The following TERB1 variants were observed in gnomAD, a reference collection of about 807,000 sequenced individuals.
TERB1 encodes telomere repeat binding bouquet formation protein 1, also known as telomere repeats-binding bouquet formation protein 1.
Under a neutral mutation model 92.3 loss-of-function variants are expected in TERB1, and 63 were observed. The observed-to-expected ratio is 0.68, with a 90% CI of 0.56 to 0.84. TERB1 has a LOEUF of 0.84. TERB1 is among the 40% of genes least tolerant of loss of function. TERB1 has a pLI of 0.00. For synonymous variants in TERB1, 252 were observed against 283.9 expected (o/e 0.89, Z 1.13); for missense variants, 709 against 843.7 (o/e 0.84, Z 1.98).
At chr16:66,781,761 C>T (rs556525182) in intron 9 of TERB1, among the ~76,000 whole-genome samples, 74 of 152,280 alleles carry the variant, frequency 4.9e-4, no homozygotes, top group African/African-American at 1.7e-3. Flanking sequence ...ACCTCGTGAT[C>T]CGCCTGTCTC....
intron 2 of TERB1, among the ~76,000 whole-genome samples, chr16:66,799,097 CTT>C (rs532737668): frequency 1.9e-4 from 29 of 152,248 alleles, no homozygotes; most frequent in African/African-American, 6.3e-4. Context: ...AAGATGAACT[CTT>C]TAGAAAATGG....
rs2145290930 is a variant in TERB1 at position 66,801,483 on chromosome 16, G to C, written c.-125C>G. On this transcript the variant is annotated 5_prime_UTR_variant, in exon 1 of 19. Coordinates refer to ENST00000433154, the MANE Select transcript of TERB1 (RefSeq NM_001136505.2). ...GCCAACATACAGAGTTTCCAAGCGC[G>C]GTAAGGCAGGACAACAACGCGCGGG... 1 of 152,406 alleles carries C rather than the reference G, an allele frequency of 6.6e-6. No homozygotes were observed. The highest frequency in any genetic ancestry group is 2.1e-4 in the South Asian group (1 of 4,834). The allele number at this position is 152,406 out of a possible 1,614,324, so 9.4% of individuals were successfully genotyped here.
intron 14 of TERB1, among the ~76,000 whole-genome samples, chr16:66,768,966 G>A (rs775631896): frequency 1.2e-4 from 18 of 151,934 alleles, no homozygotes; most frequent in Non-Finnish European, 2.5e-4. Flanking sequence ...TTAGCCGGGC[G>A]TGGTGGCACA....
At position 66,777,315 on chromosome 16, in the gene TERB1, G is replaced by A; in HGVS notation, c.873C>T (p.Leu291=). 6.5e-7 allele frequency: 1 copy of A among 1,545,484 alleles called. No homozygotes were observed. Among genetic ancestry groups the A allele is most frequent in the South Asian group, 1.2e-5 (1 of 83,854 alleles). Residue 291 remains leucine (L), a synonymous_variant, in exon 11 of 19, where the codon CTC becomes CTT. Coordinates refer to ENST00000433154, the MANE Select transcript of TERB1 (RefSeq NM_001136505.2). ...IADNPTFGIV[L]SKYHIVSKLL... is the part of the protein sequence containing the mutation. ...GTTTAGAAACAATGTGGTACTTGGA[G>A]AGTACTATCCCAAAAGTAGCTATTA...
intron 10 of TERB1, among the ~76,000 whole-genome samples, chr16:66,778,031 C>G (rs1037075495): frequency 3.3e-5 from 5 of 152,198 alleles, no homozygotes; most frequent in Non-Finnish European, 7.3e-5. Context: ...AAAAAACCAT[C>G]TATTTTTTGC....
chr16:66,794,583 T>C (rs902643864), intron 3 of TERB1, among the ~76,000 whole-genome samples: 4 of 151,852 alleles, frequency 2.6e-5, no homozygotes, highest in African/African-American at 9.7e-5. Context: ...ACCTCCTGAA[T>C]AAAATAAACC....
At chr16:66,801,316 G>A (rs949613857) in intron 1 of TERB1, among the ~76,000 whole-genome samples, 152 bp downstream of exon 1, 3 of 152,236 alleles carry the variant, frequency 2.0e-5, no homozygotes, top group East Asian at 3.9e-4. Context: ...GTCTCTTCCC[G>A]CCAAGGGCTG....
chr16:66,754,876 C>T lies in TERB1; in HGVS notation c.*100G>A. On this transcript the variant is annotated 3_prime_UTR_variant, in exon 19 of 19. Coordinates refer to ENST00000433154, the MANE Select transcript of TERB1 (RefSeq NM_001136505.2). ...TTAATGAAAACTGTATCCTCATTTC[C>T]ACATTCCTTCTCATGAGAGTTTAGA... is the stretch of plus-strand genomic sequence containing the variant. 5.5e-6 allele frequency: 6 copies of T among 1,091,310 alleles called. No individual in the cohort carries two copies. The South Asian group carries it at 7.7e-5, about 14-fold the overall frequency. 67.6% of individuals were successfully genotyped at this position (1,091,310 alleles called of 1,614,324 possible).
At chr16:66,770,948 T>A (rs1390717868) in intron 13 of TERB1, among the ~76,000 whole-genome samples, 1 of 152,164 alleles carries the variant, frequency 6.6e-6, no homozygotes, top group African/African-American at 2.4e-5. Context: ...CTTCCTGGGC[T>A]GAAGCAATCC....
rs1310379155 is a variant in TERB1 at position 66,754,999 on chromosome 16, G to A, written c.2161C>T (p.His721Tyr). 4.6e-5 allele frequency: 72 copies of A among 1,551,088 alleles called. No individual in the cohort carries two copies. Among genetic ancestry groups the A allele is most frequent in the Non-Finnish European group, 6.0e-5 (69 of 1,146,854 alleles). The stretch of plus-strand genomic sequence containing the variant: ...AATCAAGAAGCTGCACACGTGGGGT[G>A]TTTGGTCAGCTTGTGGTATTTGTGA... ...LAHKYHKLTK[H>Y]PTCAAS The change falls in exon 19 of 19, where the codon CAC (histidine) becomes TAC (tyrosine). Residue 721 changes from histidine (H) to tyrosine (Y), a missense_variant. Coordinates refer to ENST00000433154, the MANE Select transcript of TERB1 (RefSeq NM_001136505.2).
intron 3 of TERB1, 72 bp downstream of exon 3, chr16:66,796,696 C>T (rs143099067): frequency 2.0e-5 from 21 of 1,028,512 alleles, no homozygotes; most frequent in African/African-American, 6.4e-5. Context: ...TTCCTGGATC[C>T]TGTCAGATAA....
intron 18 of TERB1, among the ~76,000 whole-genome samples, chr16:66,756,121 CATT>C (rs143711514): frequency 3.7e-4 from 56 of 152,226 alleles, no homozygotes; most frequent in African/African-American, 1.3e-3. Flanking sequence ...CTTTTTCATT[CATT>C]ATTATCTCAT....
In TERB1 at chr16:66,788,248, A is replaced by G; in HGVS notation, c.321T>C (p.Thr107=). ...TGTTTGAATCATTAGATAAGAACCA[A>G]GTTAAGTCTTCAAACAACTCTGAAG... The part of the protein sequence containing the change: ...LCTSELFEDL[T]WFLSNDSNIN... Residue 107 remains threonine, a synonymous_variant, in exon 6 of 19, where the codon ACT becomes ACC. Coordinates refer to ENST00000433154, the MANE Select transcript of TERB1 (RefSeq NM_001136505.2). 6.6e-7 allele frequency: 1 copy of G among 1,513,152 alleles called. No homozygotes were observed. The highest frequency in any genetic ancestry group is 8.8e-7 in the Non-Finnish European group (1 of 1,131,582). 93.7% of individuals were successfully genotyped at this position (1,513,152 alleles called of 1,614,324 possible).
At chr16:66,779,069 G>T (rs928157054) in intron 9 of TERB1, 54 bp from the exon 10 acceptor site, 1 of 1,281,822 alleles carries the variant, frequency 7.8e-7, no homozygotes, top group Non-Finnish European at 1.0e-6. Flanking sequence ...CAGCTGAATG[G>T]TTTTATTCAA....
At chr16:66,771,152 C>T (rs2018444041) in intron 13 of TERB1, among the ~76,000 whole-genome samples, 1 of 152,062 alleles carries the variant, frequency 6.6e-6, no homozygotes, top group Admixed American at 6.6e-5. Context: ...AAAGCAGGCA[C>T]AGAAGATGAA....
chr16:66,772,535 G>T (rs1230159336), intron 13 of TERB1, 54 bp downstream of exon 13: 1 of 1,459,214 alleles, frequency 6.9e-7, no homozygotes, highest in African/African-American at 1.4e-5. Flanking sequence ...AAAAAAGAAA[G>T]AAATTTTAAA....
intron 16 of TERB1, among the ~76,000 whole-genome samples, chr16:66,764,002 T>A (rs1321322605): frequency 6.6e-6 from 1 of 151,860 alleles, no homozygotes; most frequent in African/African-American, 2.4e-5. Flanking sequence ...TACAGAGAAG[T>A]ATGGGAGAAA....
chr16:66,797,594 C>G (rs1047851545), intron 2 of TERB1, among the ~76,000 whole-genome samples: 1 of 149,226 alleles, frequency 6.7e-6, no homozygotes, highest in Non-Finnish European at 1.5e-5. Context: ...ATTAGGGACC[C>G]CTCTACCTAA....
intron 2 of TERB1, among the ~76,000 whole-genome samples, chr16:66,798,182 C>T (rs1597030082): frequency 7.0e-5 from 10 of 143,064 alleles, no homozygotes; most frequent in African/African-American, 2.6e-4. Context: ...TTATTTTTGC[C>T]TTTTTTTTTT....
Sources: allele counts gnomAD v4.1 joint callset (sites outside exome capture counted in the v4.1 genomes callset), GRCh38; gene constraint gnomAD v4.1.1; transcripts MANE v1.5; gene names NCBI Gene and HGNC (gene_info 2026-07-23, HGNC 2026-07-21).